The following ATP8B4 variants were observed in gnomAD, a reference collection of about 807,000 sequenced individuals.
The protein encoded by ATP8B4 is ATPase phospholipid transporting 8B4 (putative).
A neutral mutation model predicts 145.6 loss-of-function variants in ATP8B4; 133 were observed. The observed-to-expected ratio is 0.91, with a 90% confidence interval of 0.79 to 1.05. The LOEUF (loss-of-function observed/expected upper bound fraction) is 1.05, where lower values mean the gene tolerates loss of function less well. ATP8B4 is among the 50% of genes least tolerant of loss of function. The pLI is 0.00. For synonymous variants in ATP8B4, 507 were observed against 492.9 expected, an observed-to-expected ratio of 1.03 and a Z score of -0.38; for missense variants, 1,458 against 1,425.2, an observed-to-expected ratio of 1.02 and a Z score of -0.37.
At chr15:50,034,903 G>A (rs1320824188) in intron 6 of ATP8B4, among the ~76,000 whole-genome samples, 2 of 152,182 alleles carry the variant, frequency 1.3e-5, no homozygotes, top group East Asian at 3.8e-4. Flanking sequence ...ATTTAAGTAT[G>A]TATTGGTACT....
chr15:50,108,703 C>T (rs1329403097), intron 1 of ATP8B4, among the ~76,000 whole-genome samples: 2 of 152,112 alleles, frequency 1.3e-5, no homozygotes, highest in Non-Finnish European at 2.9e-5. Context: ...CTTCTCTGAC[C>T]TCCCCAAATC....
chr15:50,181,678 T>C (rs2044849373), intron 1 of ATP8B4, among the ~76,000 whole-genome samples: 1 of 152,194 alleles, frequency 6.6e-6, no homozygotes, highest in Non-Finnish European at 1.5e-5. Context: ...CAGGCATTTC[T>C]GTTCAACCTT....
chr15:50,152,675 T>C (rs1365019723), intron 1 of ATP8B4, among the ~76,000 whole-genome samples: 1 of 152,206 alleles, frequency 6.6e-6, no homozygotes, highest in Non-Finnish European at 1.5e-5. Context: ...TGATCTAACA[T>C]ACAGGACCAA....
At chr15:50,018,400 C>A (rs1004327147) in intron 6 of ATP8B4, among the ~76,000 whole-genome samples, 1 of 152,182 alleles carries the variant, frequency 6.6e-6, no homozygotes, top group Admixed American at 6.5e-5. Flanking sequence ...AGACACCATG[C>A]TGAGTGTCAG....
At chr15:49,974,768 C>A (rs1177220672) in intron 12 of ATP8B4, among the ~76,000 whole-genome samples, 1 of 152,172 alleles carries the variant, frequency 6.6e-6, no homozygotes, top group African/African-American at 2.4e-5. Context: ...ATATGAGGAG[C>A]AAATTTCAAG....
At chr15:50,111,385 T>C (rs902816468) in intron 1 of ATP8B4, among the ~76,000 whole-genome samples, 2 of 152,220 alleles carry the variant, frequency 1.3e-5, no homozygotes. Context: ...AGTTAGAGTA[T>C]GTATTTTAAA....
At chr15:49,884,963 T>C (rs974760002) in intron 23 of ATP8B4, among the ~76,000 whole-genome samples, 2 of 152,224 alleles carry the variant, frequency 1.3e-5, no homozygotes, top group Non-Finnish European at 2.9e-5. Flanking sequence ...TTGTCTTCCA[T>C]GAAACATCCC....
intron 1 of ATP8B4, 131 bp from the exon 2 acceptor site, chr15:50,107,139 T>A: frequency 1.9e-6 from 1 of 519,648 alleles, no homozygotes; most frequent in Non-Finnish European, 3.3e-6. Context: ...ACAACAGATT[T>A]AATTTATGAG....
At chr15:50,035,622 T>C (rs895657376) in intron 6 of ATP8B4, among the ~76,000 whole-genome samples, 1 of 152,146 alleles carries the variant, frequency 6.6e-6, no homozygotes, top group Admixed American at 6.5e-5. Context: ...CACATAGTAG[T>C]TGCTCAATAA....
At chr15:49,913,044 T>C (rs28837213) in intron 20 of ATP8B4, among the ~76,000 whole-genome samples, 12,373 of 151,596 alleles carry the variant, frequency 0.082, 540 homozygotes, top group African/African-American at 0.097. Flanking sequence ...AGTGGGAGGA[T>C]CACTTGAGCC....
At chr15:50,009,032 C>T (rs1203445675) in intron 7 of ATP8B4, among the ~76,000 whole-genome samples, 1 of 152,154 alleles carries the variant, frequency 6.6e-6, no homozygotes, top group Middle Eastern at 3.2e-3. Flanking sequence ...TTTGAATGCA[C>T]ACATCTTAGA....
intron 6 of ATP8B4, among the ~76,000 whole-genome samples, chr15:50,029,255 A>AAAAAAAAAAAAAAAAAAAAAAAAAAAC (rs776952913): frequency 1.1e-4 from 16 of 141,258 alleles, no homozygotes; most frequent in South Asian, 2.2e-4. Context: ...AAAAAAAAAA[A>AAAAAAAAAAAAAAAAAAAAAAAAAAAC]AACAGAAAAA....
chr15:50,100,850 TGAG>T (rs973563326), intron 2 of ATP8B4, among the ~76,000 whole-genome samples: 21 of 152,330 alleles, frequency 1.4e-4, no homozygotes, highest in African/African-American at 5.1e-4. Context: ...AAGTTCTGTG[TGAG>T]GAGGATTAAC....
At chr15:50,002,578 A>C (rs1199776131) in intron 7 of ATP8B4, among the ~76,000 whole-genome samples, 3 of 152,192 alleles carry the variant, frequency 2.0e-5, no homozygotes, top group African/African-American at 7.2e-5. Context: ...ATATATGCAC[A>C]AACTTTAATT....
chr15:50,152,876 G>A (rs1567409092), intron 1 of ATP8B4, among the ~76,000 whole-genome samples: 1 of 152,132 alleles, frequency 6.6e-6, no homozygotes, highest in Non-Finnish European at 1.5e-5. Context: ...ATATTTTGTG[G>A]AGGTTTTTAG....
chr15:50,043,209 A>T (rs1280315088), intron 5 of ATP8B4, among the ~76,000 whole-genome samples: 26 of 152,178 alleles, frequency 1.7e-4, no homozygotes, highest in Admixed American at 1.7e-3. Flanking sequence ...ATGAAAATAT[A>T]ATTTGTCTGG....
Position 49,868,130 on chromosome 15 carries a change from G to A in ATP8B4, c.3028-1646C>T, listed in dbSNP as rs58646635. ...AACAAATAGCATAGATTTTCAGATT[G>A]AGAGGGTCCTTTAGGTCCTATCCAA... is the stretch of plus-strand genomic sequence containing the variant. On this transcript the variant is annotated intron_variant, in intron 25 of 27. Coordinates refer to ENST00000284509, the MANE Select transcript of ATP8B4 (RefSeq NM_024837.4). Among the ~76,000 whole-genome samples the A allele has an allele frequency of 7.0e-3, 1,064 of 152,314 alleles. 15 individuals are homozygous for A. The highest frequency in any genetic ancestry group is 0.024 in the African/African-American group (1,012 of 41,580).
chr15:49,960,183 C>T (rs868772143), intron 14 of ATP8B4, among the ~76,000 whole-genome samples: 9 of 152,056 alleles, frequency 5.9e-5, no homozygotes, highest in African/African-American at 1.4e-4. Flanking sequence ...ACCACCACCA[C>T]GCTTGGCTAA....
chr15:49,860,085 G>T lies in ATP8B4; in HGVS notation c.*109C>A. On this transcript the variant is annotated 3_prime_UTR_variant, in exon 28 of 28. Transcript: ENST00000284509. The stretch of plus-strand genomic sequence containing the variant: ...CTGCCGCAGATTTAAGTTAAGTGAG[G>T]CAATCTGCCTGCCCCACCTCTTGCC... 2.2e-6 allele frequency: 3 copies of T among 1,339,902 alleles called. No individual in the cohort carries two copies. The highest frequency in any genetic ancestry group is 3.1e-6 in the Non-Finnish European group (3 of 982,108). 83.0% of individuals were successfully genotyped at this position (1,339,902 alleles called of 1,614,324 possible). A position where few individuals can be genotyped will look rare whatever the true frequency, so the allele number is the denominator to read the frequency against.
Sources: allele counts gnomAD v4.1 joint callset (sites outside exome capture counted in the v4.1 genomes callset), GRCh38; gene constraint gnomAD v4.1.1; transcripts MANE v1.5; gene names NCBI Gene and HGNC (gene_info 2026-07-23, HGNC 2026-07-21).